Variants in NT5DC1 observed in about 807,000 individuals in gnomAD.
NT5DC1 encodes 5'-nucleotidase domain-containing protein 1.
In NT5DC1, 42 loss-of-function variants were observed where a neutral mutation model predicts 59.4. The observed-to-expected ratio is 0.71, with a 90% confidence interval of 0.55 to 0.92. The LOEUF (loss-of-function observed/expected upper bound fraction) is 0.92, where lower values mean the gene tolerates loss of function less well. NT5DC1 is among the 40% of genes least tolerant of loss of function. The probability of loss-of-function intolerance (pLI) is 0.00; values close to 1 mark genes in which losing one functional copy is unlikely to be tolerated. For missense variants in NT5DC1, 501 were observed against 537.1 expected (o/e 0.93, Z 0.66); for synonymous variants, 172 against 188.1 (o/e 0.91, Z 0.70).
At chr6:116,113,891 G>A (rs894104065) in intron 4 of NT5DC1, among the ~76,000 whole-genome samples, 2 of 152,142 alleles carry the variant, frequency 1.3e-5, no homozygotes, top group Non-Finnish European at 1.5e-5. Context: ...CATGAAGTTG[G>A]GTCAGTCTAG....
chr6:116,174,672 C>T (rs76592596), intron 6 of NT5DC1, among the ~76,000 whole-genome samples: 3 of 152,266 alleles, frequency 2.0e-5, no homozygotes, highest in East Asian at 1.9e-4. Context: ...AAGACATCTT[C>T]GATTTTTATA....
chr6:116,166,145 A>G (rs1780458420), intron 6 of NT5DC1, among the ~76,000 whole-genome samples: 1 of 152,124 alleles, frequency 6.6e-6, no homozygotes, highest in Non-Finnish European at 1.5e-5. Context: ...GGCGGGATTC[A>G]GAGGTTCTCG....
chr6:116,130,425 G>A (rs994066401), intron 6 of NT5DC1, among the ~76,000 whole-genome samples: 51 of 151,806 alleles, frequency 3.4e-4, no homozygotes, highest in Admixed American at 2.4e-3. Context: ...TGGCTCCTGA[G>A]TTCTTTTGAC....
At chr6:116,157,367 A>C (rs138533804) in intron 6 of NT5DC1, among the ~76,000 whole-genome samples, 2 of 152,206 alleles carry the variant, frequency 1.3e-5, no homozygotes, top group Non-Finnish European at 2.9e-5. Flanking sequence ...CTTCCACCTT[A>C]TTACAGTCTT....
intron 6 of NT5DC1, among the ~76,000 whole-genome samples, chr6:116,145,029 G>A (rs942529051): frequency 8.5e-5 from 13 of 152,102 alleles, no homozygotes; most frequent in African/African-American, 2.9e-4. Context: ...GATTTGATTC[G>A]TACATCAGAT....
chr6:116,107,668 G>C (rs993185379), intron 2 of NT5DC1, among the ~76,000 whole-genome samples: 3 of 151,622 alleles, frequency 2.0e-5, no homozygotes, highest in Admixed American at 6.6e-5. Flanking sequence ...TGCCTCCCGG[G>C]TTCATGCCAT....
At chr6:116,150,172 A>T (rs1780002727) in intron 6 of NT5DC1, among the ~76,000 whole-genome samples, 2 of 152,228 alleles carry the variant, frequency 1.3e-5, no homozygotes, top group South Asian at 4.1e-4. Flanking sequence ...AAGAGTGACC[A>T]ATTAGATGTA....
At chr6:116,222,920 A>T in intron 7 of NT5DC1, 114 bp from the exon 8 acceptor site, 1 of 622,568 alleles carries the variant, frequency 1.6e-6, no homozygotes, top group Non-Finnish European at 2.9e-6. Context: ...TGTAAAAGTT[A>T]GTCAAAAGAT....
intron 6 of NT5DC1, among the ~76,000 whole-genome samples, chr6:116,156,284 T>G (rs1780191755): frequency 6.6e-6 from 1 of 152,198 alleles, no homozygotes; most frequent in Non-Finnish European, 1.5e-5. Context: ...CCGGCAAAAC[T>G]AATGAACTTT....
In NT5DC1 at chr6:116,119,562, A is replaced by G. The variant is rs886060989; in HGVS notation, c.529+1617A>G. The G allele has an allele frequency of 2.5e-5, 4 of 158,618 alleles. No individual in the cohort carries two copies. In the East Asian group the frequency reaches 7.5e-4, roughly 30 times the overall value. The allele number at this position is 158,618 out of a possible 1,614,324, so 9.8% of individuals were successfully genotyped here. On this transcript the variant is annotated intron_variant, in intron 6 of 11. Transcript: ENST00000319550. ...CTCAGAGTAGTGCACCATCAGAAATATTTTAGGGGATACAGTGTCTTTTAA... is the reference window on the plus strand; with the variant it reads ...CTCAGAGTAGTGCACCATCAGAAATGTTTTAGGGGATACAGTGTCTTTTAA...
At position 116,226,719 on chromosome 6, in the gene NT5DC1, A is replaced by T. The variant is rs571072399; in HGVS notation, c.802+3588A>T. ...GAATTTATGGTATGGAAATATTAGG[A>T]ATCTAAACTTTAAAAATAAGCACAT... On this transcript the variant is annotated intron_variant, in intron 8 of 11. Transcript: ENST00000319550. 2.6e-5 allele frequency among the ~76,000 whole-genome samples: 4 copies of T among 152,082 alleles called. No homozygotes were observed. The South Asian group carries it at 8.3e-4, about 31-fold the overall frequency.
chr6:116,216,695 C>A (rs1276894602), intron 6 of NT5DC1, among the ~76,000 whole-genome samples: 3 of 151,784 alleles, frequency 2.0e-5, no homozygotes, highest in South Asian at 4.2e-4. Context: ...ATATAAACAG[C>A]AAATCTGTTT....
At chr6:116,135,172 G>A (rs7763110) in intron 6 of NT5DC1, among the ~76,000 whole-genome samples, 78,022 of 151,916 alleles carry the variant, frequency 0.51, 21,236 homozygotes, top group African/African-American at 0.71. Flanking sequence ...TCCCTGCTCA[G>A]CCTACCTGTT....
rs181579992 is a variant in NT5DC1, at chr6:116,242,401, A to G, written c.1253-1508A>G. Among the ~76,000 whole-genome samples, 500 of 152,192 alleles carry G rather than the reference A, an allele frequency of 3.3e-3. 15 individuals carry two copies. The South Asian group carries it at 0.046, about 14-fold the overall frequency. ...CAATTATAAGTTGTTTATAAGAGAT[A>G]TATCTGAGACATAAGGATTCAGAAA... On this transcript the variant is annotated intron_variant, in intron 11 of 11. Coordinates refer to ENST00000319550, the MANE Select transcript of NT5DC1 (RefSeq NM_152729.3).
chr6:116,167,447 T>G (rs1321450897), intron 6 of NT5DC1, among the ~76,000 whole-genome samples: 1 of 152,014 alleles, frequency 6.6e-6, no homozygotes, highest in African/African-American at 2.4e-5. Flanking sequence ...CTCCTGGCCT[T>G]GTGATCCACT....
chr6:116,144,095 T>G (rs1779832964), intron 6 of NT5DC1, among the ~76,000 whole-genome samples: 1 of 152,186 alleles, frequency 6.6e-6, no homozygotes, highest in Non-Finnish European at 1.5e-5. Context: ...GTTCATGTAT[T>G]GGTGGTGTCG....
At chr6:116,212,529 A>C (rs1246356730) in intron 6 of NT5DC1, among the ~76,000 whole-genome samples, 1 of 152,144 alleles carries the variant, frequency 6.6e-6, no homozygotes, top group Admixed American at 6.6e-5. Context: ...TTTATTAGTA[A>C]GAAAAGATAT....
intron 6 of NT5DC1, among the ~76,000 whole-genome samples, chr6:116,139,277 ATTAAC>A (rs1412036759): frequency 6.6e-6 from 1 of 152,138 alleles, no homozygotes; most frequent in East Asian, 1.9e-4. Context: ...TTTGTGGGTA[ATTAAC>A]TTAAAGAATA....
At chr6:116,210,485 G>A (rs534450273) in intron 6 of NT5DC1, among the ~76,000 whole-genome samples, 5 of 151,870 alleles carry the variant, frequency 3.3e-5, no homozygotes, top group East Asian at 1.9e-4. Flanking sequence ...TTCAAATTCC[G>A]ATTCTGCCAC....
Sources: gnomAD v4.1 joint callset for allele counts (sites outside exome capture counted in the v4.1 genomes callset) on GRCh38, gnomAD v4.1.1 for gene constraint, MANE v1.5 for transcripts, NCBI Gene and HGNC (gene_info 2026-07-23, HGNC 2026-07-21) for gene names.